NXPH1: variants seen among roughly 807,000 people sequenced by gnomAD.
NXPH1 encodes the protein neurexophilin-1.
A neutral mutation model predicts 23.7 loss-of-function variants in NXPH1; 5 were observed. The ratio of observed to expected loss-of-function variants is 0.21; its 90% CI spans 0.11 to 0.44. The LOEUF (loss-of-function observed/expected upper bound fraction) is 0.44. Ranked by LOEUF, NXPH1 falls within the 20% of genes least tolerant of loss-of-function variation. NXPH1 has a pLI of 0.99. For synonymous variants in NXPH1, 144 were observed against 122.2 expected, an observed-to-expected ratio of 1.18 and a Z score of -1.18; for missense variants, 324 against 321.6, an observed-to-expected ratio of 1.01 and a Z score of -0.06.
At chr7:8,441,438 G>A (rs577650230) in intron 2 of NXPH1, among the ~76,000 whole-genome samples, 1 of 152,188 alleles carries the variant, frequency 6.6e-6, no homozygotes, top group Admixed American at 6.5e-5. Flanking sequence ...GCATGTTGAC[G>A]ACTCTGCTTG....
At chr7:8,630,290 C>T (rs1296812966) in intron 2 of NXPH1, among the ~76,000 whole-genome samples, 2 of 152,060 alleles carry the variant, frequency 1.3e-5, no homozygotes, top group Admixed American at 6.6e-5. Flanking sequence ...CAATCCAATA[C>T]TGAAAAACTA....
chr7:8,655,111 G>A (rs904606639), intron 2 of NXPH1, among the ~76,000 whole-genome samples: 3 of 152,110 alleles, frequency 2.0e-5, no homozygotes, highest in South Asian at 2.1e-4. Context: ...GTGGCTGGGC[G>A]AAGTAGCTTA....
At chr7:8,695,741 TTA>T (rs1238146226) in intron 2 of NXPH1, among the ~76,000 whole-genome samples, 1 of 152,198 alleles carries the variant, frequency 6.6e-6, no homozygotes, top group Non-Finnish European at 1.5e-5. Context: ...CAAAACTTTT[TTA>T]TAAAGAAAAA....
chr7:8,646,237 A>G (rs1820398421), intron 2 of NXPH1, among the ~76,000 whole-genome samples: 1 of 151,970 alleles, frequency 6.6e-6, no homozygotes, highest in African/African-American at 2.4e-5. Flanking sequence ...TAGTTATTTT[A>G]TTTTTTATTG....
At chr7:8,649,932 A>G (rs187455181) in intron 2 of NXPH1, among the ~76,000 whole-genome samples, 19 of 152,272 alleles carry the variant, frequency 1.2e-4, no homozygotes, top group African/African-American at 4.6e-4. Context: ...CTATATAGGT[A>G]AAGAAGGCTT....
intron 2 of NXPH1, among the ~76,000 whole-genome samples, chr7:8,506,061 C>G (rs1291132753): frequency 6.6e-6 from 1 of 152,044 alleles, no homozygotes; most frequent in Non-Finnish European, 1.5e-5. Flanking sequence ...GAGGTACTTT[C>G]TGAGTTGAAC....
rs963017103 is a variant in NXPH1, at chr7:8,559,588, G to A, written c.54+123821G>A. ...AGCTGAGTTCCCTAAAACTTTCAGC[G>A]CTAAGTTAACAGGTACATGAGCTTT... is the stretch of plus-strand genomic sequence containing the variant. On this transcript the variant is annotated intron_variant, in intron 2 of 2. Coordinates refer to ENST00000405863, the MANE Select transcript of NXPH1 (RefSeq NM_152745.3). 5.3e-5 allele frequency among the ~76,000 whole-genome samples: 8 copies of A among 151,658 alleles called. No individual in the cohort carries two copies. In the East Asian group the frequency reaches 7.8e-4, roughly 15 times the overall value.
At chr7:8,644,222 C>T (rs1243174264) in intron 2 of NXPH1, among the ~76,000 whole-genome samples, 1 of 152,178 alleles carries the variant, frequency 6.6e-6, no homozygotes, top group Non-Finnish European at 1.5e-5. Context: ...AAGCAAATGT[C>T]AGTGTTCCTA....
rs10243370 is a variant in NXPH1, at chr7:8,612,679, C to A, written c.55-138329C>A. On this transcript the variant is annotated intron_variant, in intron 2 of 2. Transcript: ENST00000405863. Reference sequence around the variant, plus strand: ...ATATTCTTATTTCTTGATATTAGACCACTACTTATTTTGTTAGCATTCTGT... The same window carrying A: ...ATATTCTTATTTCTTGATATTAGACAACTACTTATTTTGTTAGCATTCTGT... Among the ~76,000 whole-genome samples, 1,406 of 151,886 alleles carry A rather than the reference C, an allele frequency of 9.3e-3. 22 individuals are homozygous for A. The highest frequency in any genetic ancestry group is 0.032 in the African/African-American group (1,340 of 41,444).
At chr7:8,640,006 T>G (rs1485378708) in intron 2 of NXPH1, among the ~76,000 whole-genome samples, 1 of 152,194 alleles carries the variant, frequency 6.6e-6, no homozygotes, top group East Asian at 1.9e-4. Context: ...TTTGACAACT[T>G]TTCTACTCAA....
chr7:8,447,001 G>A (rs1816417843), intron 2 of NXPH1, among the ~76,000 whole-genome samples: 1 of 151,992 alleles, frequency 6.6e-6, no homozygotes, highest in Non-Finnish European at 1.5e-5. Context: ...CAACTGGCTA[G>A]ATGCACTGCT....
At chr7:8,648,463 G>C (rs6463830) in intron 2 of NXPH1, among the ~76,000 whole-genome samples, 106,666 of 151,826 alleles carry the variant, frequency 0.7, 38,288 homozygotes, top group East Asian at 1. Flanking sequence ...AGGATCTCCA[G>C]TTCCACCCGC....
Position 8,645,623 on chromosome 7 carries a change from A to G in NXPH1, c.55-105385A>G, listed in dbSNP as rs374880155. Among the ~76,000 whole-genome samples, 437 of 147,186 alleles carry G rather than the reference A, an allele frequency of 3.0e-3. 7 individuals are homozygous for G. The highest frequency in any genetic ancestry group is 0.01 in the African/African-American group (407 of 40,360). ...TGTATTATCTCTTTTTACTTCTTCT[A>G]ATGTTTTCATCATGGTTTGGGCTTT... On this transcript the variant is annotated intron_variant, in intron 2 of 2. Transcript: ENST00000405863.
chr7:8,662,591 AT>A (rs1336662672), intron 2 of NXPH1, among the ~76,000 whole-genome samples: 1 of 151,986 alleles, frequency 6.6e-6, no homozygotes, highest in Non-Finnish European at 1.5e-5. Context: ...AGGACTTTCA[AT>A]TTTTTATCAA....
At chr7:8,479,880 A>G (rs1009807921) in intron 2 of NXPH1, among the ~76,000 whole-genome samples, 1 of 152,192 alleles carries the variant, frequency 6.6e-6, no homozygotes, top group Non-Finnish European at 1.5e-5. Flanking sequence ...TTAAAAACCT[A>G]GTTACCTTCA....
intron 2 of NXPH1, among the ~76,000 whole-genome samples, chr7:8,487,759 C>A (rs1817182824): frequency 6.6e-6 from 1 of 152,084 alleles, no homozygotes; most frequent in Non-Finnish European, 1.5e-5. Flanking sequence ...ACAAGGGAAG[C>A]TTCCCCATTT....
rs141472541 is a variant in NXPH1, at chr7:8,457,634, G to C, written c.54+21867G>C. Among the ~76,000 whole-genome samples, 639 of 150,938 alleles carry C rather than the reference G, an allele frequency of 4.2e-3. 1 individual carries two copies. Among genetic ancestry groups the C allele is most frequent in the African/African-American group, 0.014 (579 of 40,908 alleles). ...TCATTGGTCCATTTGGTCTCATATA[G>C]CTCCTGGCATTCTCCCATTGTTCAT... On this transcript the variant is annotated intron_variant, in intron 2 of 2. Transcript: ENST00000405863.
chr7:8,610,353 A>G (rs1053351475), intron 2 of NXPH1, among the ~76,000 whole-genome samples: 1 of 152,142 alleles, frequency 6.6e-6, no homozygotes, highest in African/African-American at 2.4e-5. Flanking sequence ...ACCTGTCAAC[A>G]TTCTCCCCTT....
chr7:8,625,238 C>CAA (rs1232240813), intron 2 of NXPH1, among the ~76,000 whole-genome samples: 1 of 152,048 alleles, frequency 6.6e-6, no homozygotes, highest in Admixed American at 6.6e-5. Flanking sequence ...TGTAACTTGA[C>CAA]TGAATAGTAA....
Sources: gnomAD v4.1 joint callset for allele counts (sites outside exome capture counted in the v4.1 genomes callset) on GRCh38, gnomAD v4.1.1 for gene constraint, MANE v1.5 for transcripts, NCBI Gene and HGNC (gene_info 2026-07-23, HGNC 2026-07-21) for gene names.